The following ACAP2 variants were observed in gnomAD, a reference collection of about 807,000 sequenced individuals.
ACAP2 encodes arf-GAP with coiled-coil, ANK repeat and PH domain-containing protein 2.
In ACAP2, 39 loss-of-function variants were observed where a neutral mutation model predicts 115.8. That is an observed-to-expected ratio of 0.34 (90% confidence interval 0.26 to 0.44). ACAP2 has a LOEUF of 0.44. ACAP2 is among the 20% of genes least tolerant of loss of function. The pLI is 1.00. For missense variants in ACAP2, 662 were observed against 927.6 expected (o/e 0.71, Z 3.72); for synonymous variants, 289 against 315.8 (o/e 0.92, Z 0.90).
At chr3:195,395,066 A>G (rs1182985348) in intron 1 of ACAP2, among the ~76,000 whole-genome samples, 2 of 145,834 alleles carry the variant, frequency 1.4e-5, no homozygotes, top group Non-Finnish European at 2.9e-5. Flanking sequence ...ATTCTGGGAC[A>G]TATGTTTAAA....
chr3:195,323,439 A>G (rs996123272), intron 9 of ACAP2, among the ~76,000 whole-genome samples: 3 of 152,182 alleles, frequency 2.0e-5, no homozygotes, highest in African/African-American at 7.2e-5. Flanking sequence ...TAAAGATAAC[A>G]TTTAGAATAC....
chr3:195,353,841 A>G (rs952043801), intron 4 of ACAP2, among the ~76,000 whole-genome samples: 1 of 152,122 alleles, frequency 6.6e-6, no homozygotes, highest in African/African-American at 2.4e-5. Context: ...CTTTTTTTTA[A>G]CTTTTAGGTT....
intron 4 of ACAP2, among the ~76,000 whole-genome samples, chr3:195,351,826 G>C (rs1024037099): frequency 2.0e-5 from 3 of 152,076 alleles, no homozygotes; most frequent in Admixed American, 2.0e-4. Flanking sequence ...AGATGGCAAA[G>C]AAACAAAATG....
intron 1 of ACAP2, among the ~76,000 whole-genome samples, chr3:195,392,996 G>A (rs1734778147): frequency 6.6e-6 from 1 of 152,122 alleles, no homozygotes; most frequent in African/African-American, 2.4e-5. Context: ...ATAGTAATGG[G>A]GGATTTACAC....
chr3:195,428,230 T>C (rs1714830364), intron 1 of ACAP2, among the ~76,000 whole-genome samples: 1 of 150,868 alleles, frequency 6.6e-6, no homozygotes, highest in African/African-American at 2.4e-5. Context: ...TGTATGTATA[T>C]ATGCAGTCAT....
At chr3:195,341,486 A>G (rs1474311078) in intron 6 of ACAP2, among the ~76,000 whole-genome samples, 1 of 151,716 alleles carries the variant, frequency 6.6e-6, no homozygotes, top group Non-Finnish European at 1.5e-5. Context: ...CACCACGCCC[A>G]GCTAATTTTT....
chr3:195,358,501 T>C (rs1732136151), intron 4 of ACAP2, among the ~76,000 whole-genome samples: 1 of 151,928 alleles, frequency 6.6e-6, no homozygotes, highest in African/African-American at 2.4e-5. Context: ...GAGAAGAAAT[T>C]CAGAATCCTA....
chr3:195,371,900 T>C (rs1367560724), intron 4 of ACAP2, among the ~76,000 whole-genome samples: 1 of 152,110 alleles, frequency 6.6e-6, no homozygotes, highest in African/African-American at 2.4e-5. Context: ...CCCAAGTGAT[T>C]CACCTGCCTC....
intron 10 of ACAP2, among the ~76,000 whole-genome samples, chr3:195,316,561 C>A (rs771317371): frequency 1.2e-4 from 18 of 152,020 alleles, no homozygotes; most frequent in Non-Finnish European, 2.1e-4. Context: ...CCACGTCCAG[C>A]TAATTTTTTC....
At chr3:195,369,581 A>C (rs1202418982) in intron 4 of ACAP2, among the ~76,000 whole-genome samples, 4 of 152,206 alleles carry the variant, frequency 2.6e-5, no homozygotes, top group Admixed American at 2.6e-4. Context: ...ATGTTCCTAC[A>C]GGACATGATC....
At chr3:195,364,840 A>C (rs1261554455) in intron 4 of ACAP2, among the ~76,000 whole-genome samples, 1 of 152,218 alleles carries the variant, frequency 6.6e-6, no homozygotes, top group Non-Finnish European at 1.5e-5. Context: ...CGTTTACTGT[A>C]GCATATTTAC....
intron 1 of ACAP2, among the ~76,000 whole-genome samples, chr3:195,421,149 C>G (rs576627614): frequency 1.3e-5 from 2 of 152,170 alleles, no homozygotes; most frequent in South Asian, 4.2e-4. Flanking sequence ...ACCTTTAGAA[C>G]AGTGGTCCTT....
chr3:195,393,541 T>A (rs566207642), intron 1 of ACAP2, among the ~76,000 whole-genome samples: 1 of 150,508 alleles, frequency 6.6e-6, no homozygotes, highest in Non-Finnish European at 1.5e-5. Flanking sequence ...CTGCACTCTG[T>A]AGCACAGAAA....
intron 1 of ACAP2, among the ~76,000 whole-genome samples, chr3:195,430,567 T>C (rs1715038872): frequency 6.6e-6 from 1 of 152,038 alleles, no homozygotes; most frequent in East Asian, 1.9e-4. Flanking sequence ...ATACAAAATT[T>C]AGCTAGGCAT....
chr3:195,342,522 C>G lies in ACAP2; in HGVS notation c.477G>C (p.Leu159=). 6.2e-7 allele frequency: 1 copy of G among 1,611,974 alleles called. No homozygotes were observed. Among genetic ancestry groups the G allele is most frequent in the Non-Finnish European group, 8.5e-7 (1 of 1,179,510 alleles). Residue 159 remains leucine (L), a synonymous_variant, in exon 6 of 23, where the codon CTG becomes CTC. Coordinates refer to ENST00000326793, the MANE Select transcript of ACAP2 (RefSeq NM_012287.6). ...GTCGGAAACATTTTCTTGTTGCTGTCAGAATGTTGGTGGCTTCTTCAACTT... is the reference window on the plus strand; with the variant it reads ...GTCGGAAACATTTTCTTGTTGCTGTGAGAATGTTGGTGGCTTCTTCAACTT... ...QHEVEEATNI[L]TATRKCFRHI... is the part of the protein sequence containing the mutation.
chr3:195,290,143 G>A (rs1270151542), intron 20 of ACAP2, among the ~76,000 whole-genome samples: 1 of 152,140 alleles, frequency 6.6e-6, no homozygotes, highest in Non-Finnish European at 1.5e-5. Flanking sequence ...GGCAGAGGTA[G>A]GGGGAATCAC....
At chr3:195,384,131 T>C (rs1430994182) in intron 2 of ACAP2, among the ~76,000 whole-genome samples, 1 of 152,176 alleles carries the variant, frequency 6.6e-6, no homozygotes, top group East Asian at 1.9e-4. Flanking sequence ...TAAAATGTAT[T>C]CTACAACTAT....
At chr3:195,432,123 T>A (rs1298698635) in intron 1 of ACAP2, among the ~76,000 whole-genome samples, 1 of 152,192 alleles carries the variant, frequency 6.6e-6, no homozygotes, top group South Asian at 2.1e-4. Flanking sequence ...AATTTGCAAA[T>A]ATTTTCTCTC....
chr3:195,390,207 G>A (rs548883590), intron 2 of ACAP2, among the ~76,000 whole-genome samples: 118 of 151,876 alleles, frequency 7.8e-4, no homozygotes, highest in African/African-American at 2.8e-3. Flanking sequence ...AAAAAAAAAA[G>A]AAAAGGGGTT....
Sources: gnomAD v4.1 joint callset for allele counts (sites outside exome capture counted in the v4.1 genomes callset) on GRCh38, gnomAD v4.1.1 for gene constraint, MANE v1.5 for transcripts, NCBI Gene and HGNC (gene_info 2026-07-23, HGNC 2026-07-21) for gene names.